Variants in ADAMTS16 observed in about 807,000 individuals in gnomAD.
The protein encoded by ADAMTS16 is A disintegrin and metalloproteinase with thrombospondin motifs 16.
Under a neutral mutation model 145.8 loss-of-function variants are expected in ADAMTS16, and 94 were observed. That is an observed-to-expected ratio of 0.64 (90% CI 0.55 to 0.77). ADAMTS16 has a LOEUF of 0.77. ADAMTS16 is among the 30% of genes least tolerant of loss of function. The pLI is 0.00. For missense variants in ADAMTS16, 1,585 were observed against 1,591.5 expected, an observed-to-expected ratio of 1.00 and a Z score of 0.07; for synonymous variants, 659 against 604.3, an observed-to-expected ratio of 1.09 and a Z score of -1.33.
chr5:5,196,276 T>A (rs1225394190), intron 8 of ADAMTS16, among the ~76,000 whole-genome samples: 4 of 149,410 alleles, frequency 2.7e-5, no homozygotes, highest in Non-Finnish European at 4.4e-5. Context: ...GTGTCACTAT[T>A]GGTATCACTA....
At chr5:5,307,798 G>A (rs755625067) in intron 21 of ADAMTS16, among the ~76,000 whole-genome samples, 18 of 152,168 alleles carry the variant, frequency 1.2e-4, no homozygotes, top group Non-Finnish European at 2.4e-4. Context: ...TCACCTGCTC[G>A]ATGGGGTCCA....
At chr5:5,207,613 T>C (rs1260905523) in intron 9 of ADAMTS16, among the ~76,000 whole-genome samples, 4 of 152,220 alleles carry the variant, frequency 2.6e-5, no homozygotes, top group Non-Finnish European at 4.4e-5. Flanking sequence ...TATTTGTTCC[T>C]GATTTTAGTG....
intron 14 of ADAMTS16, among the ~76,000 whole-genome samples, chr5:5,237,690 A>T (rs1737149121): frequency 6.6e-6 from 1 of 152,064 alleles, no homozygotes; most frequent in African/African-American, 2.4e-5. Context: ...TCAGTGAAGC[A>T]GGGGTGGGTG....
intron 8 of ADAMTS16, among the ~76,000 whole-genome samples, chr5:5,194,020 T>G (rs1422394968): frequency 6.6e-6 from 1 of 152,092 alleles, no homozygotes; most frequent in African/African-American, 2.4e-5. Context: ...GAGAATCGCC[T>G]GAGCCCAGGA....
At chr5:5,227,916 C>G (rs770646929) in intron 11 of ADAMTS16, among the ~76,000 whole-genome samples, 1 of 152,004 alleles carries the variant, frequency 6.6e-6, no homozygotes, top group African/African-American at 2.4e-5. Context: ...TGTAAAAATG[C>G]GATGAGGGAC....
At chr5:5,239,592 T>G in intron 15 of ADAMTS16, 89 bp from the exon 16 acceptor site, 1 of 1,543,592 alleles carries the variant, frequency 6.5e-7, no homozygotes, top group South Asian at 1.2e-5. Flanking sequence ...GATTCTCAGG[T>G]TTTGTTTACC....
chr5:5,163,661 T>C (rs1734795346), intron 3 of ADAMTS16, among the ~76,000 whole-genome samples: 1 of 152,232 alleles, frequency 6.6e-6, no homozygotes, highest in Non-Finnish European at 1.5e-5. Flanking sequence ...TCTGTGTCAG[T>C]GAACTTAATG....
At chr5:5,240,583 G>T (rs1197294834) in intron 16 of ADAMTS16, among the ~76,000 whole-genome samples, 1 of 152,192 alleles carries the variant, frequency 6.6e-6, no homozygotes, top group Admixed American at 6.5e-5. Flanking sequence ...TTGAAAGAAG[G>T]TTCTTGGTTC....
At chr5:5,190,881 A>T (rs11742566) in intron 7 of ADAMTS16, among the ~76,000 whole-genome samples, 19,099 of 151,950 alleles carry the variant, frequency 0.13, 1,336 homozygotes, top group Middle Eastern at 0.21. Context: ...CCACTGCCCT[A>T]CCTCCAAAGA....
At chr5:5,297,256 G>C (rs57855756) in intron 18 of ADAMTS16, among the ~76,000 whole-genome samples, 1 of 152,154 alleles carries the variant, frequency 6.6e-6, no homozygotes, top group Non-Finnish European at 1.5e-5. Flanking sequence ...TATGGCTGTG[G>C]ATCACAGCAG....
intron 18 of ADAMTS16, among the ~76,000 whole-genome samples, chr5:5,295,713 A>G (rs1247845039): frequency 1.3e-5 from 2 of 152,262 alleles, no homozygotes; most frequent in African/African-American, 4.8e-5. Context: ...TCTAGTGTCC[A>G]GAGATGAACG....
At position 5,271,326 on chromosome 5, in the gene ADAMTS16, A is replaced by C. The variant is rs138714020; in HGVS notation, c.2789+8543A>C. ...TCGGCCAGCAGGAGTATCCTGGAGA[A>C]ATAACAGGCATCAGCAATTCCCAGT... On this transcript the variant is annotated intron_variant, in intron 18 of 22. Coordinates refer to ENST00000274181, the MANE Select transcript of ADAMTS16 (RefSeq NM_139056.4). 6.4e-3 allele frequency among the ~76,000 whole-genome samples: 980 copies of C among 152,318 alleles called. 14 individuals are homozygous for C. Among genetic ancestry groups the C allele is most frequent in the African/African-American group, 0.022 (919 of 41,572 alleles).
At chr5:5,309,163 A>T (rs1374185214) in intron 21 of ADAMTS16, among the ~76,000 whole-genome samples, 1 of 152,210 alleles carries the variant, frequency 6.6e-6, no homozygotes, top group Non-Finnish European at 1.5e-5. Flanking sequence ...CTGAGGATGC[A>T]CAAGTTCCTG....
intron 3 of ADAMTS16, among the ~76,000 whole-genome samples, chr5:5,165,349 A>C (rs1734846310): frequency 1.3e-5 from 2 of 152,186 alleles, no homozygotes; most frequent in Admixed American, 1.3e-4. Flanking sequence ...GTTAATGGAC[A>C]TTTGGATTGA....
chr5:5,161,392 G>T (rs1426039603), intron 3 of ADAMTS16, among the ~76,000 whole-genome samples: 2 of 152,166 alleles, frequency 1.3e-5, no homozygotes, highest in Non-Finnish European at 2.9e-5. Context: ...TCCACCCTTT[G>T]TCAATGGTGT....
At position 5,186,988 on chromosome 5, in the gene ADAMTS16, T is replaced by G. The variant is rs145334639; in HGVS notation, c.963+737T>G. ...ATGTGATTACTATGGCTAGTGTTAT[T>G]TTTGGTAGACTGAACCACTAGATTT... is the stretch of plus-strand genomic sequence containing the variant. On this transcript the variant is annotated intron_variant, in intron 5 of 22. Coordinates refer to ENST00000274181, the MANE Select transcript of ADAMTS16 (RefSeq NM_139056.4). 2.3e-3 allele frequency among the ~76,000 whole-genome samples: 351 copies of G among 152,328 alleles called. 1 individual carries two copies. Among genetic ancestry groups the G allele is most frequent in the African/African-American group, 7.9e-3 (329 of 41,580 alleles).
chr5:5,192,793 G>A (rs934669289), intron 8 of ADAMTS16, among the ~76,000 whole-genome samples: 8 of 152,106 alleles, frequency 5.3e-5, no homozygotes, highest in African/African-American at 1.7e-4. Flanking sequence ...CAATTTCTGA[G>A]GCCAATAATT....
At chr5:5,251,023 C>T (rs1267109289) in intron 17 of ADAMTS16, among the ~76,000 whole-genome samples, 1 of 152,136 alleles carries the variant, frequency 6.6e-6, no homozygotes, top group Non-Finnish European at 1.5e-5. Flanking sequence ...GCCTCCTCCC[C>T]AGTGTCCTTG....
At chr5:5,198,570 C>T (rs1190968592) in intron 8 of ADAMTS16, among the ~76,000 whole-genome samples, 1 of 152,114 alleles carries the variant, frequency 6.6e-6, no homozygotes, top group African/African-American at 2.4e-5. Context: ...CTCCAGTCCT[C>T]GGTCTTGCTG....
Sources: allele counts gnomAD v4.1 joint callset (sites outside exome capture counted in the v4.1 genomes callset), GRCh38; gene constraint gnomAD v4.1.1; transcripts MANE v1.5; gene names NCBI Gene and HGNC (gene_info 2026-07-23, HGNC 2026-07-21).